The following RPTOR variants were observed in gnomAD, a reference collection of about 807,000 sequenced individuals.
RPTOR encodes the protein regulatory-associated protein of mTOR.
RPTOR carries 21 observed loss-of-function variants against 169.9 expected under a neutral mutation model. The ratio of observed to expected loss-of-function variants is 0.12; its 90% CI spans 0.09 to 0.18. RPTOR has a LOEUF of 0.18. RPTOR is among the 10% of genes least tolerant of loss of function. The probability of loss-of-function intolerance (pLI) is 1.00; values close to 1 mark genes in which losing one functional copy is unlikely to be tolerated. For synonymous variants in RPTOR, 732 were observed against 753.2 expected, an observed-to-expected ratio of 0.97 and a Z score of 0.46; for missense variants, 1,133 against 1,855.9, an observed-to-expected ratio of 0.61 and a Z score of 7.16.
chr17:80,652,711 T>C (rs889566645), intron 3 of RPTOR, among the ~76,000 whole-genome samples: 1 of 152,214 alleles, frequency 6.6e-6, no homozygotes, highest in Non-Finnish European at 1.5e-5. Context: ...AATGCCGCTA[T>C]GAATATGTGC....
chr17:80,775,711 C>A (rs1187595531), intron 6 of RPTOR, among the ~76,000 whole-genome samples: 1 of 152,106 alleles, frequency 6.6e-6, no homozygotes, highest in Non-Finnish European at 1.5e-5. Context: ...CCAGAGGGAG[C>A]CTTTGCTATC....
rs1334536206 is a variant in RPTOR at position 80,823,998 on chromosome 17, T to G, written c.1136+775T>G. On this transcript the variant is annotated intron_variant, in intron 9 of 33. Transcript: ENST00000306801. The surrounding 1 kb of genome is among the most constrained non-coding windows in gnomAD (Gnocchi z 4.5). ...GCCGCAGAAGCCATCATGTGGCGTA[T>G]TTTCATGGCCAGGTTTATTTTAGCT... is the stretch of plus-strand genomic sequence containing the variant. Among the ~76,000 whole-genome samples the G allele has an allele frequency of 6.6e-6, 1 of 152,210 alleles. No individual in the cohort carries two copies. The highest frequency in any genetic ancestry group is 2.4e-5 in the African/African-American group (1 of 41,442).
At chr17:80,672,237 G>T (rs575198268) in intron 3 of RPTOR, among the ~76,000 whole-genome samples, 9 of 152,178 alleles carry the variant, frequency 5.9e-5, no homozygotes, top group Admixed American at 2.0e-4. Flanking sequence ...AATAACAATT[G>T]TGTAACTCAA....
intron 1 of RPTOR, among the ~76,000 whole-genome samples, chr17:80,584,675 C>T (rs184797928): frequency 1.3e-4 from 20 of 152,370 alleles, no homozygotes; most frequent in African/African-American, 4.3e-4. Context: ...TTATCTGAGA[C>T]TGGCCCACCG....
chr17:80,790,910 A>G (rs1228383938), intron 6 of RPTOR, among the ~76,000 whole-genome samples: 1 of 152,154 alleles, frequency 6.6e-6, no homozygotes, highest in African/African-American at 2.4e-5. Flanking sequence ...TGTTGGCGCC[A>G]CGTTAGAGAA....
chr17:80,821,819 C>T (rs1050752543), intron 7 of RPTOR, among the ~76,000 whole-genome samples: 1 of 152,182 alleles, frequency 6.6e-6, no homozygotes, highest in Non-Finnish European at 1.5e-5. Flanking sequence ...CCACAGCGTT[C>T]GGTGGCTGAG....
intron 6 of RPTOR, among the ~76,000 whole-genome samples, chr17:80,759,487 C>A (rs1451152066): frequency 6.6e-6 from 1 of 152,154 alleles, no homozygotes; most frequent in Non-Finnish European, 1.5e-5. Flanking sequence ...CTGCCTGGAA[C>A]AATTGAGCGG....
chr17:80,790,388 G>T (rs80326203), intron 6 of RPTOR, among the ~76,000 whole-genome samples: 2 of 152,340 alleles, frequency 1.3e-5, no homozygotes, highest in African/African-American at 4.8e-5. Flanking sequence ...TGGGGTCCAG[G>T]ATGACCAGCT....
chr17:80,755,834 C>T (rs1335204617), intron 6 of RPTOR, among the ~76,000 whole-genome samples: 1 of 151,986 alleles, frequency 6.6e-6, no homozygotes, highest in Non-Finnish European at 1.5e-5. Context: ...TGCTGTCCAG[C>T]CAGTACCCCC....
intron 2 of RPTOR, among the ~76,000 whole-genome samples, chr17:80,635,264 T>C (rs949728969): frequency 3.3e-5 from 5 of 152,174 alleles, no homozygotes; most frequent in African/African-American, 1.2e-4. Context: ...CACCTCTCCT[T>C]CTTCCTCTGC....
chr17:80,742,919 C>G (rs956165105), intron 5 of RPTOR, among the ~76,000 whole-genome samples: 1 of 151,202 alleles, frequency 6.6e-6, no homozygotes, highest in Non-Finnish European at 1.5e-5. Context: ...CATGCTCATA[C>G]ATGCACATCT....
At chr17:80,814,650 C>T (rs1310018161) in intron 7 of RPTOR, among the ~76,000 whole-genome samples, 1 of 152,194 alleles carries the variant, frequency 6.6e-6, no homozygotes, top group Non-Finnish European at 1.5e-5. Context: ...TATGCGGCAC[C>T]TGTTCTGTAT....
At chr17:80,933,585 T>G (rs2068922969) in intron 24 of RPTOR, among the ~76,000 whole-genome samples, 1 of 152,190 alleles carries the variant, frequency 6.6e-6, no homozygotes. Flanking sequence ...CCTGGCAGCC[T>G]TTTTTGCAAA....
intron 32 of RPTOR, 84 bp downstream of exon 32, chr17:80,962,661 C>T: frequency 7.7e-7 from 1 of 1,305,670 alleles, no homozygotes; most frequent in South Asian, 1.3e-5. Flanking sequence ...GTTCCTGCCC[C>T]CAGGAGCTGA....
At chr17:80,577,481 G>A (rs2064974575) in intron 1 of RPTOR, among the ~76,000 whole-genome samples, 2 of 152,178 alleles carry the variant, frequency 1.3e-5, no homozygotes, top group South Asian at 4.1e-4. Context: ...GTCTTCCTAT[G>A]TGGCCCAGGC....
intron 3 of RPTOR, among the ~76,000 whole-genome samples, chr17:80,678,196 T>G (rs1223081498): frequency 6.6e-6 from 1 of 152,160 alleles, no homozygotes; most frequent in Non-Finnish European, 1.5e-5. Context: ...CAGAAAATTA[T>G]AGGTACAAGT....
rs748388080 is a variant in RPTOR, at chr17:80,922,807, C to T, written c.2604C>T (p.Gly868=). 10 of 1,581,302 alleles carry T rather than the reference C, an allele frequency of 6.3e-6. No individual in the cohort carries two copies. Among genetic ancestry groups the T allele is most frequent in the Admixed American group, 5.2e-5 (3 of 57,216 alleles). Residue 868 remains glycine, a synonymous_variant, in exon 22 of 34, where the codon GGC becomes GGT. Coordinates refer to ENST00000306801, the MANE Select transcript of RPTOR (RefSeq NM_020761.3). ...CCCCCGCCAGCCCCACCAACAAGGG[C>T]GTGCACATCCACCAGGCGGGGTAAG... ...QSAPASPTNK[G]VHIHQAGGSP... is the part of the protein sequence containing the mutation.
At chr17:80,742,695 AC>A (rs2066495359) in intron 5 of RPTOR, among the ~76,000 whole-genome samples, 1 of 151,938 alleles carries the variant, frequency 6.6e-6, no homozygotes. Context: ...ACAGAGACAC[AC>A]ATAGACACCA....
chr17:80,877,834 T>C (rs7222366), intron 13 of RPTOR, among the ~76,000 whole-genome samples: 79,362 of 152,046 alleles, frequency 0.52, 21,296 homozygotes, highest in African/African-American at 0.65. Context: ...GGCCGGCGCC[T>C]GGCTCCCTGA....
Sources: allele counts gnomAD v4.1 joint callset (sites outside exome capture counted in the v4.1 genomes callset), GRCh38; gene constraint gnomAD v4.1.1; non-coding constraint Gnocchi (gnomAD v3.1); transcripts MANE v1.5; gene names NCBI Gene and HGNC (gene_info 2026-07-23, HGNC 2026-07-21).